The following MLXIP variants were observed in gnomAD, a reference collection of about 807,000 sequenced individuals.
MLXIP encodes the protein MLX-interacting protein.
Under a neutral mutation model 87.2 loss-of-function variants are expected in MLXIP, and 30 were observed. That is an observed-to-expected ratio of 0.34 (90% CI 0.26 to 0.47). The LOEUF is 0.47. Among genes scored for constraint, MLXIP ranks in the 20% least tolerant of loss-of-function variants. MLXIP has a pLI of 1.00. For missense variants in MLXIP, 1,002 were observed against 1,240.1 expected (o/e 0.81, Z 2.88); for synonymous variants, 530 against 514.0 (o/e 1.03, Z -0.42).
chr12:122,107,902 G>C (rs952438348), intron 1 of MLXIP, among the ~76,000 whole-genome samples: 1 of 152,244 alleles, frequency 6.6e-6, no homozygotes, highest in East Asian at 1.9e-4. Flanking sequence ...ATTGGAAGGT[G>C]GGGGGTTGCG....
At chr12:122,109,743 T>C (rs1952575714) in intron 1 of MLXIP, among the ~76,000 whole-genome samples, 1 of 152,188 alleles carries the variant, frequency 6.6e-6, no homozygotes, top group Non-Finnish European at 1.5e-5. Context: ...AAAACACCCA[T>C]GGGAAGAGGA....
At chr12:122,134,907 C>G (rs1372432348) in intron 9 of MLXIP, 1 of 357,788 alleles carries the variant, frequency 2.8e-6, no homozygotes, top group African/African-American at 2.1e-5. Flanking sequence ...CTCCTGACCT[C>G]TGGTGATCCA....
chr12:122,139,053 C>T, intron 15 of MLXIP, 115 bp downstream of exon 15: 1 of 1,457,872 alleles, frequency 6.9e-7, no homozygotes, highest in African/African-American at 1.4e-5. Context: ...CACCAAGCTC[C>T]TCACGACAGG....
Position 122,078,794 on chromosome 12 carries a change from C to T in MLXIP, c.-60C>T, listed in dbSNP as rs936234252. 1.1e-5 allele frequency: 11 copies of T among 1,028,754 alleles called. No homozygotes were observed. Among genetic ancestry groups the T allele is most frequent in the African/African-American group, 1.7e-5 (1 of 57,422 alleles). The allele number at this position is 1,028,754 out of a possible 1,614,324, so 63.7% of individuals were successfully genotyped here. A position where few individuals can be genotyped will look rare whatever the true frequency, so the allele number is the denominator to read the frequency against. ...GCCGGGCCGGGCCGGCGCCCCTCTG[C>T]CTCGCGCGCTTGTCGCGTTGCCCCG... On this transcript the variant is annotated 5_prime_UTR_variant, in exon 1 of 17. Transcript: ENST00000319080.
In MLXIP at chr12:122,143,969, A is replaced by T. The variant is rs1047813; in HGVS notation, c.*2157A>T. 0.49 allele frequency: 75,254 copies of T among 152,650 alleles called. 19,057 individuals are homozygous for T. Among genetic ancestry groups the T allele is most frequent in the Admixed American group, 0.56 (8,574 of 15,280 alleles). 9.5% of individuals were successfully genotyped at this position (152,650 alleles called of 1,614,324 possible). ...GTCTTTGTATTGGAGATATTTCTGTAACTCATTCTCTTGGTGCTCACGATT... is the reference window on the plus strand; with the variant it reads ...GTCTTTGTATTGGAGATATTTCTGTTACTCATTCTCTTGGTGCTCACGATT... On this transcript the variant is annotated 3_prime_UTR_variant, in exon 17 of 17. Transcript: ENST00000319080.
At chr12:122,141,375 TAAC>T in intron 16 of MLXIP, among the ~76,000 whole-genome samples, 1 of 152,180 alleles carries the variant, frequency 6.6e-6, no homozygotes, top group Non-Finnish European at 1.5e-5. Flanking sequence ...TTAATTCTTA[TAAC>T]AACAAGCAAA....
rs376782270 is a variant in MLXIP, at chr12:122,079,103, G to A, written c.250G>A (p.Val84Met). The A allele has an allele frequency of 7.9e-5, 122 of 1,547,866 alleles. No individual in the cohort carries two copies. The highest frequency in any genetic ancestry group is 1.4e-4 in the African/African-American group (10 of 72,734). Reference sequence around the variant, plus strand: ...GATCATCCACAGCGGCCACTTCATGGTGTCGTCGCCGCACCGAGAGCACCC... The same window carrying A: ...GATCATCCACAGCGGCCACTTCATGATGTCGTCGCCGCACCGAGAGCACCC... ...QQIIHSGHFM[V>M]SSPHREHPPK... The change falls in exon 1 of 17, where the codon GTG becomes ATG. Residue 84 changes from valine (V) to methionine (M), a missense_variant. Around this residue, in one of 3 missense-constraint regions of MLXIP, gnomAD observed 127 missense variants for 239.0 expected, o/e 0.53. Coordinates refer to ENST00000319080, the MANE Select transcript of MLXIP (RefSeq NM_014938.6).
At chr12:122,129,476 G>A (rs866266391) in intron 4 of MLXIP, 112 bp from the exon 5 acceptor site, 16 of 1,254,526 alleles carry the variant, frequency 1.3e-5, no homozygotes, top group South Asian at 1.2e-4. Context: ...TCGGCCTGGG[G>A]ATGGTGTGAG....
Position 122,141,183 on chromosome 12 carries a change from C to A in MLXIP, c.2638+100C>A. ...ATTAGCCAGACTCCACTGCAGGCAG[C>A]CAGGTGGGGCCGGGGCAGGGGCACA... On this transcript the variant is annotated intron_variant, in intron 16 of 16. Transcript: ENST00000319080. 7 of 1,453,004 alleles carry A rather than the reference C, an allele frequency of 4.8e-6. No individual in the cohort carries two copies. The South Asian group carries it at 9.6e-5, about 20-fold the overall frequency. The allele number at this position is 1,453,004 out of a possible 1,614,324, so 90.0% of individuals were successfully genotyped here. A position where few individuals can be genotyped will look rare whatever the true frequency, so the allele number is the denominator to read the frequency against.
chr12:122,124,620 A>G (rs1386397743), intron 1 of MLXIP, among the ~76,000 whole-genome samples: 2 of 151,136 alleles, frequency 1.3e-5, no homozygotes, highest in Admixed American at 6.6e-5. Context: ...GAGGAACCAC[A>G]TGGCAATATG....
intron 1 of MLXIP, among the ~76,000 whole-genome samples, chr12:122,091,351 T>C (rs1292880197): frequency 6.6e-6 from 1 of 152,122 alleles, no homozygotes; most frequent in African/African-American, 2.4e-5. Context: ...GGGAATTGGT[T>C]TCTTCAGCTT....
At chr12:122,101,286 C>G (rs938963404) in intron 1 of MLXIP, among the ~76,000 whole-genome samples, 4 of 151,816 alleles carry the variant, frequency 2.6e-5, no homozygotes, top group Admixed American at 2.6e-4. Context: ...GAAAAGAGCC[C>G]TGGAAAGCTG....
At chr12:122,103,203 T>TATG (rs1952464323) in intron 1 of MLXIP, among the ~76,000 whole-genome samples, 58 of 116,380 alleles carry the variant, frequency 5.0e-4, no homozygotes, top group Middle Eastern at 3.8e-3. Flanking sequence ...ATGTATGTAT[T>TATG]TATTTATTTA....
At chr12:122,127,203 C>A in intron 1 of MLXIP, 53 bp from the exon 2 acceptor site, 1 of 1,410,766 alleles carries the variant, frequency 7.1e-7, no homozygotes, top group Non-Finnish European at 9.9e-7. Flanking sequence ...TTTGTAATTT[C>A]ACTTCAATTT....
chr12:122,116,294 T>A (rs983228602), intron 1 of MLXIP, among the ~76,000 whole-genome samples: 8 of 152,028 alleles, frequency 5.3e-5, no homozygotes, highest in African/African-American at 1.7e-4. Context: ...TTTTTTTAAT[T>A]TTATTATTAT....
In MLXIP at chr12:122,078,839, G is replaced by A; in HGVS notation, c.-15G>A. 1.9e-6 allele frequency: 2 copies of A among 1,059,030 alleles called. No homozygotes were observed. The highest frequency in any genetic ancestry group is 2.3e-6 in the Non-Finnish European group (2 of 878,416). The allele number at this position is 1,059,030 out of a possible 1,614,324, so 65.6% of individuals were successfully genotyped here. A position where few individuals can be genotyped will look rare whatever the true frequency, so the allele number is the denominator to read the frequency against. On this transcript the variant is annotated 5_prime_UTR_variant, in exon 1 of 17. Transcript: ENST00000319080. ...GCCCCGGGCTCCGGGGGATGCCCCC[G>A]GCCGAGCCCTTCTCATGGCCGCCGA...
intron 1 of MLXIP, among the ~76,000 whole-genome samples, chr12:122,122,736 C>T (rs777161728): frequency 3.3e-5 from 5 of 151,776 alleles, no homozygotes; most frequent in South Asian, 2.1e-4. Flanking sequence ...TTAGTAGAGA[C>T]GGGGGTTTCA....
intron 1 of MLXIP, among the ~76,000 whole-genome samples, chr12:122,110,629 G>C (rs1452296978): frequency 6.6e-6 from 1 of 151,840 alleles, no homozygotes; most frequent in Non-Finnish European, 1.5e-5. Flanking sequence ...AATTTAGCTG[G>C]GCATGGTGGT....
At position 122,132,514 on chromosome 12, in the gene MLXIP, C is replaced by G. The variant is rs1952999440; in HGVS notation, c.1092+131C>G. The G allele has an allele frequency of 2.0e-5, 14 of 708,296 alleles. No individual in the cohort carries two copies. In the South Asian group the frequency reaches 2.4e-4, roughly 12 times the overall value. 43.9% of individuals were successfully genotyped at this position (708,296 alleles called of 1,614,324 possible). A position where few individuals can be genotyped will look rare whatever the true frequency, so the allele number is the denominator to read the frequency against. ...CAGCAAAGCGCCAAGCAGTGCTAGA[C>G]CAGCACTAATGTGCAGAGGCACGAT... On this transcript the variant is annotated intron_variant, in intron 8 of 16. Coordinates refer to ENST00000319080, the MANE Select transcript of MLXIP (RefSeq NM_014938.6).
Sources: allele counts gnomAD v4.1 joint callset (sites outside exome capture counted in the v4.1 genomes callset), GRCh38; gene constraint gnomAD v4.1.1; regional missense constraint gnomAD v4.1.1; transcripts MANE v1.5; gene names NCBI Gene and HGNC (gene_info 2026-07-23, HGNC 2026-07-21).